Variants in MPHOSPH9 observed in about 807,000 individuals in gnomAD.
MPHOSPH9 encodes the protein M-phase phosphoprotein 9.
In MPHOSPH9, 88 loss-of-function variants were observed where a neutral mutation model predicts 145.5. The ratio of observed to expected loss-of-function variants is 0.60; its 90% CI spans 0.51 to 0.72. MPHOSPH9 has a LOEUF of 0.72. Ranked by LOEUF, MPHOSPH9 falls within the 30% of genes least tolerant of loss-of-function variation. The probability of loss-of-function intolerance (pLI) is 0.00; values close to 1 mark genes in which losing one functional copy is unlikely to be tolerated. For missense variants in MPHOSPH9, 1,238 were observed against 1,386.6 expected (o/e 0.89, Z 1.70); for synonymous variants, 435 against 486.2 (o/e 0.89, Z 1.39).
At chr12:123,241,124 G>C (rs2047928333) in intron 1 of MPHOSPH9, among the ~76,000 whole-genome samples, 1 of 151,276 alleles carries the variant, frequency 6.6e-6, no homozygotes, top group Non-Finnish European at 1.5e-5. Flanking sequence ...CCTACATCTA[G>C]GCTTTTATTT....
chr12:123,213,680 C>G (rs1225910197), intron 7 of MPHOSPH9, among the ~76,000 whole-genome samples: 1 of 152,090 alleles, frequency 6.6e-6, no homozygotes, highest in Non-Finnish European at 1.5e-5. Flanking sequence ...GTGGGTTTAT[C>G]AGGACATAAC....
intron 8 of MPHOSPH9, among the ~76,000 whole-genome samples, chr12:123,206,486 GGAGAA>G (rs1397467133): frequency 4.6e-5 from 6 of 131,114 alleles, no homozygotes; most frequent in Admixed American, 8.3e-5. Flanking sequence ...GAGAGGAAGA[GGAGAA>G]GAGAAGAGAG....
intron 16 of MPHOSPH9, among the ~76,000 whole-genome samples, chr12:123,172,418 C>T (rs895172452): frequency 2.6e-5 from 4 of 151,968 alleles, no homozygotes; most frequent in East Asian, 1.9e-4. Context: ...CTGGAACCTC[C>T]GCCTTCCAGG....
chr12:123,209,659 T>C (rs2695476), intron 8 of MPHOSPH9, among the ~76,000 whole-genome samples: 126,572 of 151,456 alleles, frequency 0.84, 53,187 homozygotes, highest in East Asian at 1. Flanking sequence ...GTCTGCCCAC[T>C]TCAGCTTCCC....
chr12:123,180,014 A>C (rs766090638), intron 14 of MPHOSPH9, 24 bp from the exon 15 acceptor site: 1 of 1,202,812 alleles, frequency 8.3e-7, no homozygotes, highest in Non-Finnish European at 1.2e-6. Flanking sequence ...GGAGAAATTC[A>C]GATAACTGAA....
intron 11 of MPHOSPH9, 75 bp from the exon 12 acceptor site, chr12:123,198,409 T>A: frequency 8.7e-7 from 1 of 1,154,818 alleles, no homozygotes; most frequent in Non-Finnish European, 1.2e-6. Flanking sequence ...ATCTAACCAA[T>A]TCTCTAATAT....
At chr12:123,167,277 A>G (rs2044358780) in intron 16 of MPHOSPH9, among the ~76,000 whole-genome samples, 1 of 152,154 alleles carries the variant, frequency 6.6e-6, no homozygotes, top group Admixed American at 6.5e-5. Context: ...CAATTATAAA[A>G]CGTTAATTTT....
Position 123,156,787 on chromosome 12 carries a change from A to G in MPHOSPH9, c.*20T>C. 6.2e-7 allele frequency: 1 copy of G among 1,601,946 alleles called. No homozygotes were observed. Among genetic ancestry groups the G allele is most frequent in the Non-Finnish European group, 8.5e-7 (1 of 1,171,362 alleles). Reference sequence around the variant, plus strand: ...CATTAGTGCAAACAAAAATGTCTCAAAATTTAATGGCTACAAATCTCAAAG... The same window carrying G: ...CATTAGTGCAAACAAAAATGTCTCAGAATTTAATGGCTACAAATCTCAAAG... On this transcript the variant is annotated 3_prime_UTR_variant, in exon 24 of 24. Transcript: ENST00000606320.
intron 13 of MPHOSPH9, among the ~76,000 whole-genome samples, chr12:123,184,124 C>T (rs560860660): frequency 2.6e-4 from 39 of 151,230 alleles, no homozygotes; most frequent in Non-Finnish European, 5.0e-4. Context: ...GAAGATTCCT[C>T]GAGCCCAGGG....
chr12:123,210,069 A>C lies in MPHOSPH9; in HGVS notation c.1181T>G (p.Val394Gly), dbSNP rs1248144117. Residue 394 changes from valine to glycine, a missense_variant, in exon 8 of 24, where the codon GTG becomes GGG. Transcript: ENST00000606320. ...KTFISLSSTD[V>G]SPNQSNTSNE... ...TTTTTAAATTACCTGGTTTGGTGACACATCTGTGGAAGACAATGATATGAA... is the reference window on the plus strand; with the variant it reads ...TTTTTAAATTACCTGGTTTGGTGACCCATCTGTGGAAGACAATGATATGAA... 1.9e-6 allele frequency: 3 copies of C among 1,608,550 alleles called. No individual in the cohort carries two copies. Among genetic ancestry groups the C allele is most frequent in the Admixed American group, 3.4e-5 (2 of 59,126 alleles).
intron 13 of MPHOSPH9, among the ~76,000 whole-genome samples, chr12:123,185,336 A>T (rs1334387965): frequency 2.0e-5 from 3 of 152,092 alleles, no homozygotes; most frequent in Admixed American, 2.0e-4. Context: ...ACTAAAAAAA[A>T]AAAAAATATT....
chr12:123,221,592 A>C lies in MPHOSPH9; in HGVS notation c.652T>G (p.Phe218Val). ...TTGGGAACATCTATGTGCTCCATGA[A>C]CTCCTTAGGGTCTTTAGATTTGTAC... ...NLYKSKDPKEFMEHIDVPKGQ... is the reference protein window; with the variant it reads ...NLYKSKDPKEVMEHIDVPKGQ... Residue 218 changes from phenylalanine (F) to valine (V), a missense_variant, in exon 5 of 24, where the codon TTC becomes GTC. Transcript: ENST00000606320. The C allele has an allele frequency of 6.2e-7, 1 of 1,614,098 alleles. No homozygotes were observed.
Position 123,156,714 on chromosome 12 carries a change from C to T in MPHOSPH9, c.*93G>A. On this transcript the variant is annotated 3_prime_UTR_variant, in exon 24 of 24. Transcript: ENST00000606320. ...TGATTGTAAAACTACTGTTTGAAGG[C>T]TTATAAACAGTACAAAATAGTTTGC... The T allele has an allele frequency of 1.1e-6, 1 of 889,010 alleles. No homozygotes were observed. The highest frequency in any genetic ancestry group is 1.7e-6 in the Non-Finnish European group (1 of 574,482). 55.1% of individuals were successfully genotyped at this position (889,010 alleles called of 1,614,324 possible). A position where few individuals can be genotyped will look rare whatever the true frequency, so the allele number is the denominator to read the frequency against.
At chr12:123,225,554 G>A (rs1404962715) in intron 3 of MPHOSPH9, among the ~76,000 whole-genome samples, 2 of 139,582 alleles carry the variant, frequency 1.4e-5, no homozygotes, top group Admixed American at 1.5e-4. Flanking sequence ...GGGGGTGGGA[G>A]GGAGGGGAGA....
Position 123,218,483 on chromosome 12 carries a change from A to G in MPHOSPH9, c.889T>C (p.Trp297Arg). Residue 297 changes from tryptophan to arginine, a missense_variant, in exon 6 of 24, where the codon TGG becomes CGG. Around this residue, in one of 3 missense-constraint regions of MPHOSPH9, gnomAD observed 837 missense variants for 897.5 expected, o/e 0.93. Transcript: ENST00000606320. ...GKTNSNAITSWAQKLKQNQPK... is the reference protein window; with the variant it reads ...GKTNSNAITSRAQKLKQNQPK... ...TGGTTCTGCTTCAGTTTTTGTGCCC[A>G]TGATGTTATAGCATTACTATTTAAG... is the stretch of plus-strand genomic sequence containing the variant. 1 of 1,613,380 alleles carries G rather than the reference A, an allele frequency of 6.2e-7. No individual in the cohort carries two copies. Among genetic ancestry groups the G allele is most frequent in the Non-Finnish European group, 8.5e-7 (1 of 1,179,722 alleles).
chr12:123,234,935 T>C (rs932016382), upstream of MPHOSPH9, among the ~76,000 whole-genome samples: 1 of 152,206 alleles, frequency 6.6e-6, no homozygotes, highest in African/African-American at 2.4e-5. Context: ...TTCAGTAATG[T>C]CATGGCTTAT....
At chr12:123,168,682 A>C (rs1391945803) in intron 16 of MPHOSPH9, among the ~76,000 whole-genome samples, 1 of 145,120 alleles carries the variant, frequency 6.9e-6, no homozygotes, top group African/African-American at 2.4e-5. Flanking sequence ...TCAGTTCTCC[A>C]AACATGACTA....
At chr12:123,200,219 GT>G (rs1212290864) in intron 11 of MPHOSPH9, among the ~76,000 whole-genome samples, 1 of 87,886 alleles carries the variant, frequency 1.1e-5, no homozygotes, top group Non-Finnish European at 3.2e-5. Flanking sequence ...GATAACAATG[GT>G]TTTTTATCTT....
At position 123,155,128 on chromosome 12, in the gene MPHOSPH9, G is replaced by C. The variant is rs1354561496; in HGVS notation, c.*1679C>G. 1 of 152,184 alleles carries C rather than the reference G, an allele frequency of 6.6e-6. No individual in the cohort carries two copies. Among genetic ancestry groups the C allele is most frequent in the Non-Finnish European group, 1.5e-5 (1 of 68,128 alleles). The allele number at this position is 152,184 out of a possible 1,614,324, so 9.4% of individuals were successfully genotyped here. On this transcript the variant is annotated 3_prime_UTR_variant, in exon 24 of 24. Transcript: ENST00000606320. ...TGAGGCAGGAGAATCGCTTGAACCC[G>C]GGAGGCAGAGGTTGCAGTGAGCTGA...
Sources: allele counts gnomAD v4.1 joint callset (sites outside exome capture counted in the v4.1 genomes callset), GRCh38; gene constraint gnomAD v4.1.1; regional missense constraint gnomAD v4.1.1; transcripts MANE v1.5; gene names NCBI Gene and HGNC (gene_info 2026-07-23, HGNC 2026-07-21).